VTI1A: variants seen among roughly 807,000 people sequenced by gnomAD.
The protein encoded by VTI1A is vesicle transport through interaction with t-SNAREs 1A.
Under a neutral mutation model 34.9 loss-of-function variants are expected in VTI1A, and 22 were observed. That is an observed-to-expected ratio of 0.63 (90% CI 0.45 to 0.90). The LOEUF (loss-of-function observed/expected upper bound fraction) is 0.90. VTI1A is among the 40% of genes least tolerant of loss of function. The pLI, the probability that VTI1A is intolerant of heterozygous loss-of-function variation, is 0.00. For missense variants in VTI1A, 268 were observed against 275.6 expected (o/e 0.97, Z 0.20); for synonymous variants, 87 against 97.3 (o/e 0.89, Z 0.62).
Position 112,478,864 on chromosome 10 carries a change from G to A in VTI1A, c.264+14207G>A, listed in dbSNP as rs191478663. Among the ~76,000 whole-genome samples, 82 of 152,012 alleles carry A rather than the reference G, an allele frequency of 5.4e-4. 1 individual carries two copies. The highest frequency in any genetic ancestry group is 1.8e-3 in the African/African-American group (73 of 41,476). On this transcript the variant is annotated intron_variant, in intron 3 of 7. Transcript: ENST00000393077. ...CTAGCTTCTAATAACTGACACACCC[G>A]GCAACATTTAGAAGTCACTATTGGC...
intron 5 of VTI1A, among the ~76,000 whole-genome samples, chr10:112,656,956 G>A (rs1847253771): frequency 6.6e-6 from 1 of 152,102 alleles, no homozygotes; most frequent in Non-Finnish European, 1.5e-5. Context: ...GCGACATCAG[G>A]TTGTTTAAAA....
At chr10:112,661,305 AG>A (rs1009948739) in intron 5 of VTI1A, among the ~76,000 whole-genome samples, 71 of 152,238 alleles carry the variant, frequency 4.7e-4, no homozygotes, top group African/African-American at 1.7e-3. Flanking sequence ...TAGTAGAGAC[AG>A]GGTTTTGCCA....
At chr10:112,825,331 G>C in the VTI1A span, 1 of 152,316 alleles carries the variant, frequency 6.6e-6, no homozygotes, top group Non-Finnish European at 1.5e-5. Context: ...CACACCCTGT[G>C]GGGGAGGGGG....
chr10:112,840,198 C>T, the VTI1A span, among the ~76,000 whole-genome samples: 2 of 152,190 alleles, frequency 1.3e-5, no homozygotes, highest in African/African-American at 2.4e-5. Flanking sequence ...ACAATAACCC[C>T]TGCCACAATC....
Position 112,818,425 on chromosome 10 carries a change from C to T in VTI1A, c.*3042C>T, listed in dbSNP as rs1853584534. ...GGAAAAAAAAGAAAGAAAGGAAAAGCAACTGTCTTTCTCTCCCTCTCTTTC... is the reference window on the plus strand; with the variant it reads ...GGAAAAAAAAGAAAGAAAGGAAAAGTAACTGTCTTTCTCTCCCTCTCTTTC... On this transcript the variant is annotated 3_prime_UTR_variant, in exon 8 of 8. Coordinates refer to ENST00000393077, the MANE Select transcript of VTI1A (RefSeq NM_145206.4). 1 of 231,930 alleles carries T rather than the reference C, an allele frequency of 4.3e-6. No homozygotes were observed. The highest frequency in any genetic ancestry group is 8.5e-6 in the Non-Finnish European group (1 of 117,100). 14.4% of individuals were successfully genotyped at this position (231,930 alleles called of 1,614,324 possible).
At chr10:112,560,528 C>T (rs1851689517) in intron 5 of VTI1A, among the ~76,000 whole-genome samples, 1 of 151,654 alleles carries the variant, frequency 6.6e-6, no homozygotes, top group African/African-American at 2.4e-5. Context: ...ATGTAAGCTT[C>T]CTGAGAGGCA....
intron 3 of VTI1A, among the ~76,000 whole-genome samples, chr10:112,518,668 T>TATATAC (rs397844776): frequency 2.4e-5 from 3 of 124,980 alleles, no homozygotes; most frequent in Non-Finnish European, 1.9e-5. Flanking sequence ...TATATATATA[T>TATATAC]ACACACACAC....
At chr10:112,600,852 C>T (rs1564843717) in intron 5 of VTI1A, among the ~76,000 whole-genome samples, 2 of 152,216 alleles carry the variant, frequency 1.3e-5, no homozygotes, top group Non-Finnish European at 2.9e-5. Flanking sequence ...TCATTTAAAG[C>T]ATGGATATGC....
intron 5 of VTI1A, among the ~76,000 whole-genome samples, chr10:112,558,725 C>T (rs745666042): frequency 1.3e-5 from 2 of 152,046 alleles, no homozygotes; most frequent in Non-Finnish European, 2.9e-5. Context: ...TCAAAGGTGC[C>T]CATATCTCAA....
intron 3 of VTI1A, among the ~76,000 whole-genome samples, chr10:112,518,589 C>CTA (rs34659243): frequency 1.4e-3 from 132 of 94,308 alleles, no homozygotes; most frequent in Middle Eastern, 0.011. Flanking sequence ...CTCTCTCTCT[C>CTA]TATATATATA....
intron 5 of VTI1A, among the ~76,000 whole-genome samples, chr10:112,539,147 T>C (rs1314057086): frequency 6.6e-6 from 1 of 152,234 alleles, no homozygotes; most frequent in Non-Finnish European, 1.5e-5. Context: ...GCATAGATTG[T>C]AAATAATCTA....
At chr10:112,713,792 A>C (rs1198052242) in intron 7 of VTI1A, among the ~76,000 whole-genome samples, 1 of 152,252 alleles carries the variant, frequency 6.6e-6, no homozygotes, top group Non-Finnish European at 1.5e-5. Flanking sequence ...GAAAATTGCA[A>C]GAAGCATATT....
At chr10:112,568,679 C>T (rs1234546280) in intron 5 of VTI1A, among the ~76,000 whole-genome samples, 1 of 152,174 alleles carries the variant, frequency 6.6e-6, no homozygotes, top group Non-Finnish European at 1.5e-5. Context: ...ATCACCCAGC[C>T]AGCTAAGCAT....
At chr10:112,792,637 CAT>C (rs1238038085) in intron 7 of VTI1A, among the ~76,000 whole-genome samples, 2 of 152,126 alleles carry the variant, frequency 1.3e-5, no homozygotes, top group Admixed American at 1.3e-4. Context: ...AAATCTGACT[CAT>C]AAAAACCGAG....
chr10:112,487,206 C>T (rs1589820739), intron 3 of VTI1A, among the ~76,000 whole-genome samples: 2 of 152,322 alleles, frequency 1.3e-5, no homozygotes, highest in Non-Finnish European at 2.9e-5. Context: ...TCACTGCAGC[C>T]TCCATCTCCC....
intron 5 of VTI1A, among the ~76,000 whole-genome samples, chr10:112,634,924 C>T (rs1272976999): frequency 2.6e-5 from 4 of 152,140 alleles, no homozygotes; most frequent in African/African-American, 7.2e-5. Context: ...AATAAATAAA[C>T]TCTGGGGTTG....
intron 1 of VTI1A, among the ~76,000 whole-genome samples, chr10:112,447,769 G>T (rs1409046797): frequency 6.6e-6 from 1 of 152,184 alleles, no homozygotes; most frequent in East Asian, 1.9e-4. Context: ...GTTTTCATTT[G>T]TAAATTATAG....
intron 7 of VTI1A, among the ~76,000 whole-genome samples, chr10:112,691,552 A>C (rs1564885798): frequency 6.6e-6 from 1 of 152,174 alleles, no homozygotes; most frequent in Non-Finnish European, 1.5e-5. Context: ...GAGGAATTGG[A>C]GGTGGTTGAG....
intron 5 of VTI1A, among the ~76,000 whole-genome samples, chr10:112,659,855 T>G (rs1231835611): frequency 6.6e-6 from 1 of 152,212 alleles, no homozygotes; most frequent in Non-Finnish European, 1.5e-5. Context: ...GTAAATATTT[T>G]ATGGTACATA....
Sources: gnomAD v4.1 joint callset for allele counts (sites outside exome capture counted in the v4.1 genomes callset) on GRCh38, gnomAD v4.1.1 for gene constraint, MANE v1.5 for transcripts, NCBI Gene and HGNC (gene_info 2026-07-23, HGNC 2026-07-21) for gene names.